The following ANXA8 variants were observed in gnomAD, a reference collection of about 807,000 sequenced individuals.
The protein encoded by ANXA8 is annexin A8.
A neutral mutation model predicts 26.8 loss-of-function variants in ANXA8; 9 were observed. The observed-to-expected ratio is 0.34, with a 90% confidence interval of 0.20 to 0.59. The LOEUF is 0.59. Among genes scored for constraint, ANXA8 ranks in the 20% least tolerant of loss-of-function variants. ANXA8 has a pLI of 0.84. For missense variants in ANXA8, 83 were observed against 238.5 expected (o/e 0.35, Z 4.29); for synonymous variants, 39 against 94.8 (o/e 0.41, Z 3.42).
At chr10:47,488,001 C>T (rs3006288), upstream of ANXA8, among the ~76,000 whole-genome samples, 4 of 147,278 alleles carry the variant, frequency 2.7e-5, no homozygotes, top group Non-Finnish European at 6.0e-5. Flanking sequence ...AGGGGTGGGG[C>T]CTTTGGGAGG....
At chr10:47,655,942 C>T in the ANXA8 span, among the ~76,000 whole-genome samples, 2 of 151,982 alleles carry the variant, frequency 1.3e-5, 1 homozygote, top group Admixed American at 1.3e-4. Flanking sequence ...ATCGCTTGAA[C>T]CTGGGAGGTG....
the ANXA8 span, among the ~76,000 whole-genome samples, chr10:47,898,811 A>ATTTTTT: frequency 0.07 from 3,933 of 56,134 alleles, 392 homozygotes; most frequent in Non-Finnish European, 0.079. Flanking sequence ...AAGAGAATGG[A>ATTTTTT]TTTTTTTTTT....
chr10:47,658,310 C>A, the ANXA8 span, among the ~76,000 whole-genome samples: 625 of 150,746 alleles, frequency 4.1e-3, 9 homozygotes, highest in Non-Finnish European at 6.0e-3. Flanking sequence ...CACTTGAACC[C>A]GGGAGACGGA....
the ANXA8 span, among the ~76,000 whole-genome samples, chr10:47,663,291 C>T: frequency 1.3e-5 from 2 of 148,552 alleles, no homozygotes; most frequent in Admixed American, 6.6e-5. Flanking sequence ...TGCTGTCGCT[C>T]ACTGGTGATT....
chr10:47,549,528 C>G, the ANXA8 span: 1 of 576,392 alleles, frequency 1.7e-6, no homozygotes, highest in African/African-American at 1.9e-5. Flanking sequence ...TTTTTATAGG[C>G]AAAAACTGGT....
chr10:47,681,348 G>C, the ANXA8 span, among the ~76,000 whole-genome samples: 1 of 151,228 alleles, frequency 6.6e-6, no homozygotes, highest in Non-Finnish European at 1.5e-5. Flanking sequence ...CAAGGCGTAA[G>C]TAGCAAAGTT....
upstream of ANXA8, among the ~76,000 whole-genome samples, chr10:47,485,976 C>T (rs1420874568): frequency 2.7e-4 from 41 of 151,710 alleles, 1 homozygote; most frequent in South Asian, 6.2e-4. Context: ...GGAGTGGTGG[C>T]GGGCACCTGT....
chr10:47,989,268 C>T, the ANXA8 span, among the ~76,000 whole-genome samples: 1 of 134,248 alleles, frequency 7.4e-6, no homozygotes, highest in African/African-American at 2.7e-5. Context: ...GAACGCAGGT[C>T]GTCTGGGAAT....
the ANXA8 span, among the ~76,000 whole-genome samples, chr10:47,689,178 C>T: frequency 1.3e-5 from 2 of 151,004 alleles, no homozygotes; most frequent in Non-Finnish European, 3.0e-5. Flanking sequence ...CTTTATTTCC[C>T]TTAAAGAGAG....
the ANXA8 span, among the ~76,000 whole-genome samples, chr10:47,733,198 T>TTTCTTTCTTTC: frequency 2.9e-4 from 32 of 112,086 alleles, 3 homozygotes; most frequent in East Asian, 6.6e-3. Context: ...TCTTTCTTTC[T>TTTCTTTCTTTC]TTCTTTCTTT....
chr10:47,556,630 C>T, the ANXA8 span, among the ~76,000 whole-genome samples: 1 of 151,864 alleles, frequency 6.6e-6, no homozygotes, highest in Admixed American at 6.6e-5. Flanking sequence ...ACATATATAA[C>T]TGCAGGGAAT....
At chr10:47,683,655 T>C in the ANXA8 span, among the ~76,000 whole-genome samples, 1 of 151,796 alleles carries the variant, frequency 6.6e-6, no homozygotes. Flanking sequence ...GATAGTATAA[T>C]GAACCCCATG....
Position 47,484,010 on chromosome 10 carries a change from G to A in ANXA8, c.-77C>T, listed in dbSNP as rs1435613907. On this transcript the variant is annotated 5_prime_UTR_variant, in exon 1 of 12. Coordinates refer to ENST00000585281, the MANE Select transcript of ANXA8 (RefSeq NM_001040084.3). ...GCCTCTGCTGGGACTCCACACGTCT[G>A]GCTCCTGCAGCTGAGGAGTGAGCAG... is the stretch of plus-strand genomic sequence containing the variant. The A allele has an allele frequency of 5.6e-6, 9 of 1,611,532 alleles. No homozygotes were observed. The highest frequency in any genetic ancestry group is 7.6e-6 in the Non-Finnish European group (9 of 1,179,846).
the ANXA8 span, among the ~76,000 whole-genome samples, chr10:47,718,228 T>C: frequency 6.6e-6 from 1 of 152,000 alleles, no homozygotes; most frequent in African/African-American, 2.4e-5. Context: ...CCCAGCATTC[T>C]GGGAGGCCAA....
the ANXA8 span, among the ~76,000 whole-genome samples, chr10:47,553,666 A>G: frequency 8.0e-5 from 12 of 150,266 alleles, no homozygotes; most frequent in Admixed American, 5.3e-4. Flanking sequence ...CCGTCTGCGC[A>G]GTGCGTTCCA....
At chr10:47,604,933 G>T in the ANXA8 span, among the ~76,000 whole-genome samples, 1 of 150,954 alleles carries the variant, frequency 6.6e-6, no homozygotes, top group Non-Finnish European at 1.5e-5. Flanking sequence ...TGTAGTCAAT[G>T]AATCCAGTTT....
the ANXA8 span, among the ~76,000 whole-genome samples, chr10:47,579,896 A>T: frequency 6.8e-6 from 1 of 146,430 alleles, no homozygotes; most frequent in African/African-American, 2.6e-5. Flanking sequence ...ACCAAAAAAA[A>T]AAGGGCTCCA....
At chr10:47,659,120 C>G in the ANXA8 span, among the ~76,000 whole-genome samples, 1 of 151,852 alleles carries the variant, frequency 6.6e-6, no homozygotes, top group Non-Finnish European at 1.5e-5. Flanking sequence ...ATCTGCCTGC[C>G]TAGGCCTCCC....
the ANXA8 span, among the ~76,000 whole-genome samples, chr10:47,652,565 C>A: frequency 6.6e-6 from 1 of 150,662 alleles, no homozygotes; most frequent in East Asian, 1.9e-4. Flanking sequence ...CCACTGCCCT[C>A]CAGCCTGGTC....
Sources: gnomAD v4.1 joint callset for allele counts (sites outside exome capture counted in the v4.1 genomes callset) on GRCh38, gnomAD v4.1.1 for gene constraint, MANE v1.5 for transcripts, NCBI Gene and HGNC (gene_info 2026-07-23, HGNC 2026-07-21) for gene names.